The following MID1 variants were observed in gnomAD, a reference collection of about 807,000 sequenced individuals.
MID1 encodes the protein midline 1, also known as E3 ubiquitin-protein ligase Midline-1.
Under a neutral mutation model 40.4 loss-of-function variants are expected in MID1, and 7 were observed. The ratio of observed to expected loss-of-function variants is 0.17; its 90% CI spans 0.10 to 0.33. The LOEUF is 0.33. MID1 is among the 10% of genes least tolerant of loss of function. The pLI is 1.00. For missense variants in MID1, 367 were observed against 558.5 expected, an observed-to-expected ratio of 0.66 and a Z score of 3.46; for synonymous variants, 229 against 221.2, an observed-to-expected ratio of 1.04 and a Z score of -0.31.
At chrX:10,534,432 A>G (rs971727120) in intron 2 of MID1, among the ~76,000 whole-genome samples, 7 of 112,370 alleles carry the variant, frequency 6.2e-5, no homozygotes, top group African/African-American at 1.9e-4. Flanking sequence ...CAGGTACTTC[A>G]TGTCAGTTAA....
At chrX:10,719,894 C>A (rs1173120551) in intron 1 of MID1, among the ~76,000 whole-genome samples, 1 of 111,298 alleles carries the variant, frequency 9.0e-6, no homozygotes, top group Non-Finnish European at 1.9e-5. Context: ...AATAATGCTG[C>A]ATATCTACAA....
chrX:10,820,484 TATA>T (rs2044167063), intron 1 of MID1, among the ~76,000 whole-genome samples: 1 of 112,013 alleles, frequency 8.9e-6, no homozygotes, highest in Non-Finnish European at 1.9e-5. Context: ...ATATGATCTT[TATA>T]ATGTTTGTGT....
At chrX:10,742,869 G>A (rs764662227) in intron 1 of MID1, among the ~76,000 whole-genome samples, 1 of 112,291 alleles carries the variant, frequency 8.9e-6, no homozygotes, top group Admixed American at 9.4e-5. Flanking sequence ...AGCCTACTGG[G>A]GGCATTCAAA....
At chrX:10,497,596 G>A (rs539362619) in intron 3 of MID1, among the ~76,000 whole-genome samples, 1 of 111,854 alleles carries the variant, frequency 8.9e-6, no homozygotes, top group Middle Eastern at 4.7e-3. Flanking sequence ...CTCCTTGGCT[G>A]TAAATCCCCA....
At chrX:10,615,365 A>G (rs1485618049) in intron 1 of MID1, among the ~76,000 whole-genome samples, 1 of 112,055 alleles carries the variant, frequency 8.9e-6, no homozygotes, top group Non-Finnish European at 1.9e-5. Flanking sequence ...GAATATATTA[A>G]TTCTGTGAGT....
intron 1 of MID1, among the ~76,000 whole-genome samples, chrX:10,809,098 C>A (rs1203779633): frequency 9.0e-6 from 1 of 111,653 alleles, no homozygotes; most frequent in Non-Finnish European, 1.9e-5. Context: ...ACAAACAACC[C>A]CATCAAAAAG....
chrX:10,765,942 GGAAAGAAAGAAA>G (rs201959862), intron 1 of MID1, among the ~76,000 whole-genome samples: 13,057 of 65,151 alleles, frequency 0.2, 1,245 homozygotes, highest in Non-Finnish European at 0.22. Flanking sequence ...GGAAAGGAAA[GGAAAGAAAGAAA>G]GAAAGAAAGA....
At chrX:10,487,807 C>T (rs1287802162) in intron 4 of MID1, among the ~76,000 whole-genome samples, 5 of 111,514 alleles carry the variant, frequency 4.5e-5, no homozygotes, top group Admixed American at 3.8e-4. Context: ...TGAGATCCAT[C>T]CATGTTGTTG....
chrX:10,727,568 C>G (rs906248808), intron 1 of MID1, among the ~76,000 whole-genome samples: 4 of 111,836 alleles, frequency 3.6e-5, no homozygotes, highest in African/African-American at 1.3e-4. Flanking sequence ...TTGAGAGAAT[C>G]ATCATTCTAA....
chrX:10,747,571 T>G (rs59011129), intron 1 of MID1, among the ~76,000 whole-genome samples: 9 of 112,253 alleles, frequency 8.0e-5, no homozygotes, highest in Middle Eastern at 4.6e-3. Flanking sequence ...GAGACAGTCA[T>G]GAAAACTTTC....
chrX:10,482,004 C>T (rs932824181), intron 5 of MID1, among the ~76,000 whole-genome samples: 2 of 111,419 alleles, frequency 1.8e-5, no homozygotes, highest in Non-Finnish European at 1.9e-5. Flanking sequence ...CAGGTGAGGC[C>T]AAGCTCCTCA....
intron 5 of MID1, among the ~76,000 whole-genome samples, chrX:10,481,907 C>T (rs916170250): frequency 1.8e-5 from 2 of 112,072 alleles, no homozygotes; most frequent in African/African-American, 6.5e-5. Flanking sequence ...AGCTCCCTAC[C>T]TGAGAATAAA....
rs773803921 is a variant in MID1 at position 10,520,550 on chromosome X, G to A, written c.756+2542C>T. Among the ~76,000 whole-genome samples, 21 of 112,229 alleles carry A rather than the reference G, an allele frequency of 1.9e-4. 1 individual carries two copies. Among genetic ancestry groups the A allele is most frequent in the Middle Eastern group, 4.6e-3 (1 of 219 alleles). On this transcript the variant is annotated intron_variant, in intron 3 of 9. Transcript: ENST00000317552. ...GAGGCTATAAACTTATAATTACTGCGTAGACGATCAAAGGGACTTGAAGGA... is the reference window on the plus strand; with the variant it reads ...GAGGCTATAAACTTATAATTACTGCATAGACGATCAAAGGGACTTGAAGGA...
intron 1 of MID1, among the ~76,000 whole-genome samples, chrX:10,823,272 T>C (rs2147160764): frequency 9.0e-6 from 1 of 111,116 alleles, no homozygotes; most frequent in South Asian, 3.8e-4. Context: ...AACTGAATGA[T>C]GAGAACACAT....
At chrX:10,694,314 T>C (rs1274478426) in intron 1 of MID1, among the ~76,000 whole-genome samples, 2 of 112,386 alleles carry the variant, frequency 1.8e-5, no homozygotes, top group African/African-American at 6.5e-5. Context: ...TATTTGTTCT[T>C]TCCATAGAAG....
At chrX:10,496,657 CT>C (rs934305722) in intron 3 of MID1, among the ~76,000 whole-genome samples, 2 of 112,137 alleles carry the variant, frequency 1.8e-5, no homozygotes, top group African/African-American at 6.5e-5. Flanking sequence ...AGTCCCTAGC[CT>C]TTTTGATTTG....
intron 1 of MID1, among the ~76,000 whole-genome samples, chrX:10,691,642 T>C (rs758265112): frequency 1.5e-4 from 17 of 111,884 alleles, no homozygotes; most frequent in African/African-American, 4.5e-4. Flanking sequence ...TACAAATTGA[T>C]TGTAAAATAT....
chrX:10,653,080 A>C (rs1602497492), intron 1 of MID1, among the ~76,000 whole-genome samples: 1 of 111,959 alleles, frequency 8.9e-6, no homozygotes, highest in East Asian at 2.8e-4. Flanking sequence ...TGGCCTCAGC[A>C]TCCAGAATAG....
chrX:10,684,953 G>A (rs142843944), intron 1 of MID1, among the ~76,000 whole-genome samples: 2,658 of 110,850 alleles, frequency 0.024, 37 homozygotes, highest in Non-Finnish European at 0.039. Flanking sequence ...TGTTTTTCTG[G>A]ACATTTCATA....
Sources: allele counts gnomAD v4.1 joint callset (sites outside exome capture counted in the v4.1 genomes callset), GRCh38; gene constraint gnomAD v4.1.1; transcripts MANE v1.5; gene names NCBI Gene and HGNC (gene_info 2026-07-23, HGNC 2026-07-21).